GLIS3: variants seen among roughly 807,000 people sequenced by gnomAD.
GLIS3 encodes zinc finger protein GLIS3.
In GLIS3, 53 loss-of-function variants were observed where a neutral mutation model predicts 78.6. The observed-to-expected ratio is 0.67, with a 90% CI of 0.54 to 0.85. GLIS3 has a LOEUF of 0.85. Ranked by LOEUF, GLIS3 falls within the 40% of genes least tolerant of loss-of-function variation. The probability of loss-of-function intolerance (pLI) is 0.00; values close to 1 mark genes in which losing one functional copy is unlikely to be tolerated. For missense variants in GLIS3, 1,703 were observed against 1,231.1 expected, an observed-to-expected ratio of 1.38 and a Z score of -5.74; for synonymous variants, 684 against 509.9, an observed-to-expected ratio of 1.34 and a Z score of -4.60.
chr9:4,320,875 T>C (rs1336264649), intron 2 of GLIS3, among the ~76,000 whole-genome samples: 5 of 152,156 alleles, frequency 3.3e-5, no homozygotes, highest in African/African-American at 1.2e-4. Context: ...AATCTGATCA[T>C]TACACTGAAG....
At chr9:4,105,108 C>A (rs1830651171) in intron 4 of GLIS3, among the ~76,000 whole-genome samples, 1 of 152,076 alleles carries the variant, frequency 6.6e-6, no homozygotes, top group Non-Finnish European at 1.5e-5. Context: ...AGAATTTTTC[C>A]TTATGAAGAC....
intron 4 of GLIS3, among the ~76,000 whole-genome samples, chr9:4,033,826 G>C (rs1297961524): frequency 1.7e-5 from 2 of 119,334 alleles, no homozygotes; most frequent in East Asian, 5.7e-4. Context: ...GGCAACACAA[G>C]GATTTGTTTA....
chr9:4,317,060 T>G (rs1324788208), intron 2 of GLIS3, among the ~76,000 whole-genome samples: 2 of 152,222 alleles, frequency 1.3e-5, no homozygotes, highest in Non-Finnish European at 2.9e-5. Flanking sequence ...AAGATGAGGA[T>G]GCTTGAGCAG....
intron 2 of GLIS3, among the ~76,000 whole-genome samples, chr9:4,227,550 G>T (rs150492260): frequency 5.9e-5 from 9 of 152,164 alleles, no homozygotes; most frequent in Middle Eastern, 3.2e-3. Context: ...TTCCATGTGA[G>T]TATCTCCTAT....
the GLIS3 span, among the ~76,000 whole-genome samples, chr9:4,484,404 ATTTTTTTTTTTTTTTTTTT>A: frequency 2.0e-5 from 1 of 49,770 alleles, no homozygotes; most frequent in Non-Finnish European, 3.3e-5. Context: ...TGCCAGGCTA[ATTTTTTTTTTTTTTTTTTT>A]TTTTTTTTTT....
At chr9:4,092,311 C>T (rs1175731957) in intron 4 of GLIS3, among the ~76,000 whole-genome samples, 4 of 151,884 alleles carry the variant, frequency 2.6e-5, no homozygotes, top group African/African-American at 9.7e-5. Context: ...ACCACCATGC[C>T]TGGCTCATTT....
the GLIS3 span, among the ~76,000 whole-genome samples, chr9:4,445,814 A>C: frequency 6.6e-6 from 1 of 152,156 alleles, no homozygotes; most frequent in African/African-American, 2.4e-5. Context: ...CATGCAGATA[A>C]AAAGAGATGC....
intron 2 of GLIS3, among the ~76,000 whole-genome samples, chr9:4,206,233 A>G (rs1217415257): frequency 6.6e-6 from 1 of 152,226 alleles, no homozygotes; most frequent in African/African-American, 2.4e-5. Flanking sequence ...TAGCTTCTAT[A>G]TATTTATTGA....
chr9:4,299,358 C>T (rs1160007834), intron 1 of GLIS3, 63 bp downstream of exon 1: 3 of 152,296 alleles, frequency 2.0e-5, no homozygotes, highest in Non-Finnish European at 2.9e-5. Context: ...CCCCCACACT[C>T]TCAAGCGCCC....
chr9:4,110,241 A>G (rs940587225), intron 4 of GLIS3, among the ~76,000 whole-genome samples: 1 of 152,170 alleles, frequency 6.6e-6, no homozygotes, highest in African/African-American at 2.4e-5. Context: ...CTGACATTCC[A>G]GTGAGACAAA....
intron 4 of GLIS3, among the ~76,000 whole-genome samples, chr9:3,971,650 G>C (rs1041041338): frequency 1.8e-4 from 27 of 152,156 alleles, no homozygotes; most frequent in African/African-American, 6.3e-4. Flanking sequence ...ACACACAGTA[G>C]CATGACAGGC....
chr9:4,131,034 T>G (rs1832936220), intron 2 of GLIS3, among the ~76,000 whole-genome samples: 1 of 152,186 alleles, frequency 6.6e-6, no homozygotes, highest in African/African-American at 2.4e-5. Context: ...GGAGATTATT[T>G]GGGAGCTTTA....
chr9:3,987,784 A>AAAAC (rs1819885028), intron 4 of GLIS3, among the ~76,000 whole-genome samples: 41 of 69,554 alleles, frequency 5.9e-4, no homozygotes, highest in African/African-American at 8.1e-4. Flanking sequence ...AAAAAAAAAA[A>AAAAC]AAAACAAAAC....
the GLIS3 span, among the ~76,000 whole-genome samples, chr9:4,419,290 T>C: frequency 6.6e-6 from 1 of 152,154 alleles, no homozygotes; most frequent in Non-Finnish European, 1.5e-5. Context: ...ACCAGTTTGT[T>C]CTTGCATTGC....
intron 2 of GLIS3, among the ~76,000 whole-genome samples, chr9:4,269,420 C>G (rs1826306202): frequency 6.6e-6 from 1 of 152,178 alleles, no homozygotes; most frequent in Admixed American, 6.5e-5. Context: ...AGCTACAGTG[C>G]AAATCAAGAG....
the GLIS3 span, among the ~76,000 whole-genome samples, chr9:4,366,116 A>G: frequency 2.0e-5 from 3 of 152,342 alleles, no homozygotes; most frequent in South Asian, 4.1e-4. Flanking sequence ...AAATGGGCCC[A>G]GTGAGATAGG....
chr9:4,117,691 G>A (rs1165926564), intron 4 of GLIS3, 77 bp downstream of exon 4: 4 of 1,559,494 alleles, frequency 2.6e-6, no homozygotes, highest in African/African-American at 1.4e-5. Flanking sequence ...TCCATGGGCC[G>A]AGTTAGGAAA....
At chr9:4,408,466 A>AC in the GLIS3 span, among the ~76,000 whole-genome samples, 1 of 151,484 alleles carries the variant, frequency 6.6e-6, no homozygotes, top group Non-Finnish European at 1.5e-5. Flanking sequence ...ACCTTGGCTC[A>AC]GCCTGTAATC....
the GLIS3 span, among the ~76,000 whole-genome samples, chr9:4,450,138 T>C: frequency 3.9e-5 from 6 of 152,096 alleles, no homozygotes; most frequent in Non-Finnish European, 7.4e-5. Context: ...ATAAACAGTG[T>C]AGAGAAGACC....
Sources: gnomAD v4.1 joint callset for allele counts (sites outside exome capture counted in the v4.1 genomes callset) on GRCh38, gnomAD v4.1.1 for gene constraint, MANE v1.5 for transcripts, NCBI Gene and HGNC (gene_info 2026-07-23, HGNC 2026-07-21) for gene names.